The following VEZT variants were observed in gnomAD, a reference collection of about 807,000 sequenced individuals.
The protein encoded by VEZT is vezatin, adherens junctions transmembrane protein, also known as vezatin.
VEZT carries 39 observed loss-of-function variants against 79.9 expected under a neutral mutation model. That is an observed-to-expected ratio of 0.49 (90% CI 0.38 to 0.64). The LOEUF (loss-of-function observed/expected upper bound fraction) is 0.64, where lower values mean the gene tolerates loss of function less well. Among genes scored for constraint, VEZT ranks in the 30% least tolerant of loss-of-function variants. The probability of loss-of-function intolerance (pLI) is 0.00; values close to 1 mark genes in which losing one functional copy is unlikely to be tolerated. For synonymous variants in VEZT, 325 were observed against 327.6 expected, an observed-to-expected ratio of 0.99 and a Z score of 0.09; for missense variants, 837 against 893.1, an observed-to-expected ratio of 0.94 and a Z score of 0.80.
At chr12:95,243,553 G>A (rs1179632784) in intron 1 of VEZT, among the ~76,000 whole-genome samples, 1 of 151,984 alleles carries the variant, frequency 6.6e-6, no homozygotes, top group African/African-American at 2.4e-5. Context: ...TAAAAATAAA[G>A]CAAATATCAG....
intron 1 of VEZT, among the ~76,000 whole-genome samples, chr12:95,232,779 T>A (rs1039095636): frequency 3.3e-5 from 5 of 152,036 alleles, no homozygotes; most frequent in African/African-American, 1.2e-4. Flanking sequence ...TGGGTTGGTT[T>A]GGTTTGGGTT....
chr12:95,256,581 TA>T, intron 2 of VEZT: 1 of 1,289,732 alleles, frequency 7.8e-7, no homozygotes, highest in African/African-American at 1.5e-5. Flanking sequence ...TCAATGAATA[TA>T]AACTGCACTT....
chr12:95,269,649 G>A lies in VEZT; in HGVS notation c.711-402G>A, dbSNP rs143711074. Among the ~76,000 whole-genome samples, 496 of 152,208 alleles carry A rather than the reference G, an allele frequency of 3.3e-3. 2 individuals are homozygous for A. The highest frequency in any genetic ancestry group is 0.01 in the African/African-American group (423 of 41,510). On this transcript the variant is annotated intron_variant, in intron 5 of 11. Coordinates refer to ENST00000436874, the MANE Select transcript of VEZT (RefSeq NM_017599.4). ...GTCTTCATACTTCCTATGGATATAGGTTTTGAAAACTGAATATAAAGTAGC... is the reference window on the plus strand; with the variant it reads ...GTCTTCATACTTCCTATGGATATAGATTTTGAAAACTGAATATAAAGTAGC...
intron 1 of VEZT, chr12:95,243,996 G>T (rs1165528760): frequency 2.2e-6 from 1 of 455,918 alleles, no homozygotes; most frequent in African/African-American, 2.0e-5. Context: ...CCAGCCTGCA[G>T]AACTATGAGC....
chr12:95,256,535 C>A, intron 2 of VEZT: 1 of 1,265,476 alleles, frequency 7.9e-7, no homozygotes, highest in Non-Finnish European at 1.0e-6. Context: ...TCTTTTTTCC[C>A]ATGACCCTTT....
intron 3 of VEZT, among the ~76,000 whole-genome samples, chr12:95,259,244 T>A (rs12818477): frequency 0.015 from 2,328 of 152,278 alleles, 33 homozygotes; most frequent in Non-Finnish European, 0.024. Flanking sequence ...CCTAGCTTTT[T>A]CTCAAAGCTT....
intron 1 of VEZT, among the ~76,000 whole-genome samples, chr12:95,220,200 A>T (rs1489880099): frequency 1.3e-5 from 2 of 152,202 alleles, no homozygotes; most frequent in Non-Finnish European, 2.9e-5. Context: ...CACACCTGTA[A>T]TCTCAGCACT....
chr12:95,266,927 G>A (rs760013325), intron 5 of VEZT, among the ~76,000 whole-genome samples: 1 of 152,172 alleles, frequency 6.6e-6, no homozygotes, highest in Non-Finnish European at 1.5e-5. Flanking sequence ...GAGAGTGTCT[G>A]ATACTGAACC....
At chr12:95,243,604 T>A (rs1195461252) in intron 1 of VEZT, among the ~76,000 whole-genome samples, 1 of 152,208 alleles carries the variant, frequency 6.6e-6, no homozygotes, top group East Asian at 1.9e-4. Context: ...AGTATGTATC[T>A]CTAACAGACA....
chr12:95,249,848 C>T (rs1003635626), intron 1 of VEZT, among the ~76,000 whole-genome samples: 8 of 151,958 alleles, frequency 5.3e-5, no homozygotes, highest in Admixed American at 5.2e-4. Flanking sequence ...AGAGTATAAT[C>T]CTGCTTTTTC....
intron 1 of VEZT, among the ~76,000 whole-genome samples, chr12:95,250,526 C>T (rs1420738633): frequency 6.6e-6 from 1 of 151,832 alleles, no homozygotes; most frequent in Non-Finnish European, 1.5e-5. Flanking sequence ...TGGTCTTGAA[C>T]TCCTGACCTC....
At chr12:95,245,386 A>G (rs2061583716) in intron 1 of VEZT, 1 of 391,552 alleles carries the variant, frequency 2.6e-6, no homozygotes, top group African/African-American at 2.1e-5. Context: ...GAAACAGAGC[A>G]TACCTAGAAA....
intron 7 of VEZT, among the ~76,000 whole-genome samples, chr12:95,278,794 C>G (rs1430671244): frequency 6.6e-6 from 1 of 152,214 alleles, no homozygotes; most frequent in African/African-American, 2.4e-5. Flanking sequence ...CCAGGCCTGG[C>G]ACCGTGGCTC....
rs180835308 is a variant in VEZT, at chr12:95,237,030, A to T, written c.37-14910A>T. ...TCTGCTAAATAGATTTAAAATTACAAGTTTAGTTTCTAGTTAAATAAAACA... is the reference window on the plus strand; with the variant it reads ...TCTGCTAAATAGATTTAAAATTACATGTTTAGTTTCTAGTTAAATAAAACA... On this transcript the variant is annotated intron_variant, in intron 1 of 11. Transcript: ENST00000436874. Among the ~76,000 whole-genome samples, 18 of 152,338 alleles carry T rather than the reference A, an allele frequency of 1.2e-4. No homozygotes were observed. The East Asian group carries it at 3.5e-3, about 29-fold the overall frequency.
intron 1 of VEZT, among the ~76,000 whole-genome samples, chr12:95,238,506 A>G (rs1275994397): frequency 1.3e-5 from 2 of 152,110 alleles, no homozygotes; most frequent in East Asian, 1.9e-4. Context: ...TCCAGACTAC[A>G]TATGTTTCTA....
chr12:95,293,466 G>A (rs542369197), intron 9 of VEZT, among the ~76,000 whole-genome samples: 1 of 152,116 alleles, frequency 6.6e-6, no homozygotes, highest in Admixed American at 6.5e-5. Flanking sequence ...AAGTAACCCT[G>A]TCATTAAATA....
At chr12:95,267,457 G>C (rs1240774638) in intron 5 of VEZT, among the ~76,000 whole-genome samples, 1 of 152,168 alleles carries the variant, frequency 6.6e-6, no homozygotes, top group African/African-American at 2.4e-5. Context: ...GGGAAAGTAA[G>C]CATATGGTGA....
At chr12:95,234,896 A>G (rs1056346055) in intron 1 of VEZT, among the ~76,000 whole-genome samples, 2 of 152,116 alleles carry the variant, frequency 1.3e-5, no homozygotes, top group Non-Finnish European at 2.9e-5. Flanking sequence ...CTGTTTAACA[A>G]AGCACATCTT....
intron 5 of VEZT, 179 bp from the exon 6 acceptor site, chr12:95,269,872 A>T: frequency 1.7e-6 from 1 of 593,318 alleles, no homozygotes. Context: ...ATATATATCT[A>T]GTCACAGAAA....
Sources: gnomAD v4.1 joint callset for allele counts (sites outside exome capture counted in the v4.1 genomes callset) on GRCh38, gnomAD v4.1.1 for gene constraint, MANE v1.5 for transcripts, NCBI Gene and HGNC (gene_info 2026-07-23, HGNC 2026-07-21) for gene names.